LRRC8E: variants seen among roughly 807,000 people sequenced by gnomAD.
LRRC8E encodes volume-regulated anion channel subunit LRRC8E.
Under a neutral mutation model 6.1 loss-of-function variants are expected in LRRC8E, and 6 were observed. The observed-to-expected ratio is 0.98, with a 90% CI of 0.54 to 1.93. The LOEUF is 1.93. Ranked by LOEUF, LRRC8E falls within the 30% of genes most tolerant of loss-of-function variation. The pLI is 0.01. For missense variants in LRRC8E, 1,028 were observed against 1,031.4 expected (o/e 1.00, Z 0.04); for synonymous variants, 485 against 472.8 (o/e 1.03, Z -0.33).
intron 2 of LRRC8E, among the ~76,000 whole-genome samples, chr19:7,896,160 G>A (rs535238171): frequency 1.2e-3 from 178 of 150,732 alleles, no homozygotes; most frequent in African/African-American, 4.0e-3. Context: ...GGCTGGTCTC[G>A]AACTCCTGAC....
At position 7,892,420 on chromosome 19, in the gene LRRC8E, G is replaced by A. The variant is rs547521090; in HGVS notation, c.-5-3179G>A. ...AAATGGGGTCTGACTATGTTGTCCTGGCTGCTCAAACTCCTGGGCTCAAGC... is the reference window on the plus strand; with the variant it reads ...AAATGGGGTCTGACTATGTTGTCCTAGCTGCTCAAACTCCTGGGCTCAAGC... On this transcript the variant is annotated intron_variant, in intron 1 of 2. Coordinates refer to ENST00000306708, the MANE Select transcript of LRRC8E (RefSeq NM_025061.6). Among the ~76,000 whole-genome samples, 46 of 152,110 alleles carry A rather than the reference G, an allele frequency of 3.0e-4. No homozygotes were observed. The East Asian group carries it at 8.7e-3, about 29-fold the overall frequency.
intron 1 of LRRC8E, among the ~76,000 whole-genome samples, chr19:7,892,870 G>A (rs1001842879): frequency 3.3e-5 from 5 of 152,102 alleles, no homozygotes; most frequent in Non-Finnish European, 7.4e-5. Context: ...TGTCGCCCAG[G>A]CTGGAATGCA....
Position 7,900,467 on chromosome 19 carries a change from G to A in LRRC8E, c.1945G>A (p.Val649Met), listed in dbSNP as rs138288153. 18 of 1,612,866 alleles carry A rather than the reference G, an allele frequency of 1.1e-5. No individual in the cohort carries two copies. The highest frequency in any genetic ancestry group is 1.4e-5 in the Non-Finnish European group (16 of 1,180,008). ...CCAGATCGCCTACGTCCCTGAGCAC[G>A]TGCGGAAGCTCAGGAGCCTGGAGCA... ...HNQIAYVPEH[V>M]RKLRSLEQLY... is the part of the protein sequence containing the mutation. Residue 649 changes from valine to methionine, a missense_variant, in exon 3 of 3, where the codon GTG (valine) becomes ATG (methionine). Coordinates refer to ENST00000306708, the MANE Select transcript of LRRC8E (RefSeq NM_025061.6). This position sits in a 1 kb window ranked among gnomAD's most constrained non-coding sequence, Gnocchi z 5.0.
Position 7,895,618 on chromosome 19 carries a change from C to G in LRRC8E, c.15C>G (p.Ala5=). 1.2e-6 allele frequency: 2 copies of G among 1,613,254 alleles called. No homozygotes were observed. The highest frequency in any genetic ancestry group is 1.7e-6 in the Non-Finnish European group (2 of 1,179,264). Residue 5 remains alanine, a synonymous_variant, in exon 2 of 3, where the codon GCC becomes GCG. Transcript: ENST00000306708. This position sits in a 1 kb window ranked among gnomAD's most constrained non-coding sequence, Gnocchi z 4.7. MIPV[A]EFKQFTEQQP... ...CCACAGGCAGCATGATCCCAGTGGC[C>G]GAGTTCAAGCAGTTCACGGAACAGC...
intron 1 of LRRC8E, among the ~76,000 whole-genome samples, chr19:7,894,106 G>A (rs1386321732): frequency 1.3e-5 from 2 of 152,158 alleles, no homozygotes; most frequent in Non-Finnish European, 2.9e-5. Flanking sequence ...CGTGGGTCAG[G>A]GGACCAGGGT....
At chr19:7,894,218 A>G (rs1981459515) in intron 1 of LRRC8E, among the ~76,000 whole-genome samples, 1 of 152,006 alleles carries the variant, frequency 6.6e-6, no homozygotes, top group Non-Finnish European at 1.5e-5. Context: ...GTTACAGATT[A>G]TCTTTGTCTT....
Position 7,900,883 on chromosome 19 carries a change from A to G in LRRC8E, c.2361A>G (p.Ala787=). Residue 787 remains alanine (A), a synonymous_variant, in exon 3 of 3, where the codon GCA becomes GCG. Coordinates refer to ENST00000306708, the MANE Select transcript of LRRC8E (RefSeq NM_025061.6). The surrounding 1 kb of genome is among the most constrained non-coding windows in gnomAD (Gnocchi z 5.0). ...VEDTLYQGLP[A]EVRDKMEEE is the part of the protein sequence containing the mutation. ...ACACGCTTTACCAGGGTCTGCCGGC[A>G]GAAGTGCGGGACAAGATGGAGGAGG... 6.5e-7 allele frequency: 1 copy of G among 1,530,788 alleles called. No individual in the cohort carries two copies. The highest frequency in any genetic ancestry group is 2.3e-5 in the East Asian group (1 of 44,204). The allele number at this position is 1,530,788 out of a possible 1,614,324, so 94.8% of individuals were successfully genotyped here.
chr19:7,890,846 C>A (rs1332316205), intron 1 of LRRC8E, among the ~76,000 whole-genome samples: 1 of 152,050 alleles, frequency 6.6e-6, no homozygotes, highest in African/African-American at 2.4e-5. Flanking sequence ...TATAGGTGCC[C>A]ACCACCACTC....
At chr19:7,890,876 A>G (rs1009947864) in intron 1 of LRRC8E, among the ~76,000 whole-genome samples, 2 of 152,130 alleles carry the variant, frequency 1.3e-5, no homozygotes, top group African/African-American at 4.8e-5. Context: ...TTGTATTTTT[A>G]GTAGACATGG....
chr19:7,892,712 G>T (rs1191587344), intron 1 of LRRC8E, among the ~76,000 whole-genome samples: 2 of 152,188 alleles, frequency 1.3e-5, no homozygotes, highest in African/African-American at 4.8e-5. Flanking sequence ...TTTGGTGGGT[G>T]CAATGTACAT....
rs1012352685 is a variant in LRRC8E at position 7,900,173 on chromosome 19, G to A, written c.1651G>A (p.Ala551Thr). Residue 551 changes from alanine (A) to threonine (T), a missense_variant, in exon 3 of 3, where the codon GCC (alanine) becomes ACC (threonine). Transcript: ENST00000306708. The surrounding 1 kb of genome is among the most constrained non-coding windows in gnomAD (Gnocchi z 5.0). ...CCGGAGCAACGCCGGGAAGGTGCCA[G>A]CCAGTGTGACCGACGTTGCTGGCCA... ...SLRSNAGKVP[A>T]SVTDVAGHLQ... 6.2e-7 allele frequency: 1 copy of A among 1,613,076 alleles called. No individual in the cohort carries two copies. The highest frequency in any genetic ancestry group is 8.5e-7 in the Non-Finnish European group (1 of 1,179,962).
chr19:7,894,327 GAC>G (rs1981467449), intron 1 of LRRC8E, among the ~76,000 whole-genome samples: 1 of 152,172 alleles, frequency 6.6e-6, no homozygotes, highest in South Asian at 2.1e-4. Flanking sequence ...CCCGGATCAA[GAC>G]CCTCCCACCT....
In LRRC8E at chr19:7,901,004, G is replaced by A; in HGVS notation, c.*91G>A. On this transcript the variant is annotated 3_prime_UTR_variant, in exon 3 of 3. Transcript: ENST00000306708. Reference sequence around the variant, plus strand: ...TCTTCCAAGATAGGAAGCCAAGTGGGTCCAGGCCAGGAGATGGGGGGGGCG... The same window carrying A: ...TCTTCCAAGATAGGAAGCCAAGTGGATCCAGGCCAGGAGATGGGGGGGGCG... 1.4e-6 allele frequency: 1 copy of A among 734,580 alleles called. No individual in the cohort carries two copies. Among genetic ancestry groups the A allele is most frequent in the African/African-American group, 1.8e-5 (1 of 56,992 alleles). 45.5% of individuals were successfully genotyped at this position (734,580 alleles called of 1,614,324 possible). A position where few individuals can be genotyped will look rare whatever the true frequency, so the allele number is the denominator to read the frequency against.
chr19:7,901,962 G>A lies in LRRC8E; in HGVS notation c.*1049G>A, dbSNP rs892307597. 6.6e-6 allele frequency: 1 copy of A among 152,082 alleles called. No individual in the cohort carries two copies. The highest frequency in any genetic ancestry group is 1.5e-5 in the Non-Finnish European group (1 of 68,016). The allele number at this position is 152,082 out of a possible 1,614,324, so 9.4% of individuals were successfully genotyped here. On this transcript the variant is annotated 3_prime_UTR_variant, in exon 3 of 3. Coordinates refer to ENST00000306708, the MANE Select transcript of LRRC8E (RefSeq NM_025061.6). ...GTGACATTTTTCCAAGGACAAGCAG[G>A]GACTTTGGTCTTGACTGTTCTCTGG...
intron 2 of LRRC8E, among the ~76,000 whole-genome samples, chr19:7,896,389 C>T (rs1981595479): frequency 6.7e-6 from 1 of 150,230 alleles, no homozygotes; most frequent in Non-Finnish European, 1.5e-5. Context: ...GCCTGGCCAA[C>T]ACGGTGAAAA....
chr19:7,891,000 TG>T (rs1423376096), intron 1 of LRRC8E, among the ~76,000 whole-genome samples: 1 of 152,084 alleles, frequency 6.6e-6, no homozygotes, highest in Admixed American at 6.5e-5. Flanking sequence ...CCTGGCAAGA[TG>T]CTGCATTTTA....
intron 2 of LRRC8E, among the ~76,000 whole-genome samples, chr19:7,896,697 G>C (rs975414508): frequency 1.3e-5 from 2 of 152,144 alleles, no homozygotes; most frequent in African/African-American, 2.4e-5. Flanking sequence ...GGACTCAAGT[G>C]ATCTTCCCGC....
Position 7,900,590 on chromosome 19 carries a change from T to G in LRRC8E, c.2068T>G (p.Ser690Ala). The G allele has an allele frequency of 6.2e-7, 1 of 1,613,244 alleles. No individual in the cohort carries two copies. The highest frequency in any genetic ancestry group is 8.5e-7 in the Non-Finnish European group (1 of 1,180,028). Residue 690 changes from serine (S) to alanine (A), a missense_variant, in exon 3 of 3, where the codon TCC becomes GCC. Physicochemically the swap from Ser to Ala is moderately conservative, Grantham distance 99 (BLOSUM62 1). Transcript: ENST00000306708. This position sits in a 1 kb window ranked among gnomAD's most constrained non-coding sequence, Gnocchi z 5.0. ...LLDVSHNGLH[S>A]LPPEVGLLQN... ...GGATGTGTCCCACAATGGGCTACAC[T>G]CCCTGCCACCCGAGGTGGGCCTCCT...
rs368902019 is a variant in LRRC8E at position 7,899,812 on chromosome 19, C to T, written c.1290C>T (p.Pro430=). ...CCCTCTGCATGCTGCCGGGTCTGCC[C>T]GACACCGTCTTTGAGCTCAGTGAGG... ...ELALCMLPGL[P]DTVFELSEVE... Residue 430 remains proline, a synonymous_variant, in exon 3 of 3, where the codon CCC becomes CCT. Transcript: ENST00000306708. The T allele has an allele frequency of 2.6e-5, 42 of 1,607,462 alleles. No individual in the cohort carries two copies. The highest frequency in any genetic ancestry group is 3.3e-5 in the Admixed American group (2 of 60,022).
Sources: allele counts gnomAD v4.1 joint callset (sites outside exome capture counted in the v4.1 genomes callset), GRCh38; gene constraint gnomAD v4.1.1; non-coding constraint Gnocchi (gnomAD v3.1); transcripts MANE v1.5; gene names NCBI Gene and HGNC (gene_info 2026-07-23, HGNC 2026-07-21).